CCDC178: variants seen among roughly 807,000 people sequenced by gnomAD.
CCDC178 encodes coiled-coil domain containing 178, also known as coiled-coil domain-containing protein 178.
A neutral mutation model predicts 117.4 loss-of-function variants in CCDC178; 126 were observed. The ratio of observed to expected loss-of-function variants is 1.07; its 90% confidence interval spans 0.93 to 1.24. The LOEUF is 1.24. CCDC178 is among the 50% of genes most tolerant of loss of function. The pLI, the probability that CCDC178 is intolerant of heterozygous loss-of-function variation, is 0.00. For missense variants in CCDC178, 1,030 were observed against 986.9 expected, an observed-to-expected ratio of 1.04 and a Z score of -0.59; for synonymous variants, 283 against 313.4, an observed-to-expected ratio of 0.90 and a Z score of 1.02.
At chr18:33,338,194 A>C (rs375035743) in intron 9 of CCDC178, among the ~76,000 whole-genome samples, 25 of 152,316 alleles carry the variant, frequency 1.6e-4, no homozygotes, top group Middle Eastern at 6.8e-3. Context: ...AATCAAAACC[A>C]CAATGTGATA....
At chr18:33,146,920 T>G (rs1056349339) in intron 20 of CCDC178, among the ~76,000 whole-genome samples, 1 of 152,174 alleles carries the variant, frequency 6.6e-6, no homozygotes, top group African/African-American at 2.4e-5. Context: ...TAAAGTTACA[T>G]GATTATTTCA....
At chr18:33,063,932 A>G (rs889517255) in intron 21 of CCDC178, among the ~76,000 whole-genome samples, 1 of 152,200 alleles carries the variant, frequency 6.6e-6, no homozygotes, top group Non-Finnish European at 1.5e-5. Context: ...TGCTGATTAC[A>G]GCCAAATAAA....
At chr18:33,241,432 G>GTGTGTA (rs1245777642) in intron 15 of CCDC178, among the ~76,000 whole-genome samples, 1 of 1,810 alleles carries the variant, frequency 5.5e-4, no homozygotes, top group African/African-American at 8.7e-4. Context: ...ATATGATCGT[G>GTGTGTA]TGTGTGTGTG....
At chr18:32,993,137 G>A (rs1196261544) in intron 21 of CCDC178, among the ~76,000 whole-genome samples, 3 of 152,126 alleles carry the variant, frequency 2.0e-5, no homozygotes, top group Non-Finnish European at 2.9e-5. Flanking sequence ...CTGCACTCCA[G>A]CCTGGGCAAC....
intron 18 of CCDC178, among the ~76,000 whole-genome samples, chr18:33,216,594 T>C (rs528137411): frequency 1.3e-5 from 2 of 152,090 alleles, no homozygotes; most frequent in Admixed American, 6.6e-5. Flanking sequence ...TTTCCCCATA[T>C]GCTTCCAAAT....
intron 20 of CCDC178, among the ~76,000 whole-genome samples, chr18:33,163,847 A>G (rs2058495246): frequency 6.6e-6 from 1 of 152,186 alleles, no homozygotes; most frequent in Non-Finnish European, 1.5e-5. Context: ...CTGTGCAGCA[A>G]TAATTTTTCC....
At chr18:33,364,233 CAA>C (rs1013064414) in intron 6 of CCDC178, among the ~76,000 whole-genome samples, 3 of 151,922 alleles carry the variant, frequency 2.0e-5, no homozygotes, top group African/African-American at 7.3e-5. Flanking sequence ...GTTCTAGCCA[CAA>C]AGTGTTGGAG....
rs560173393 is a variant in CCDC178, at chr18:33,180,698, C to T, written c.2238+31198G>A. Among the ~76,000 whole-genome samples, 6 of 152,064 alleles carry T rather than the reference C, an allele frequency of 3.9e-5. No homozygotes were observed. In the South Asian group the frequency reaches 1.2e-3, roughly 31 times the overall value. On this transcript the variant is annotated intron_variant, in intron 20 of 22. Transcript: ENST00000383096. ...TTAGCAACAAACCTAAGAACATATG[C>T]CATCACAAAACAGTTGGTATATGCA... is the stretch of plus-strand genomic sequence containing the variant.
chr18:32,962,288 A>G (rs1202330641), intron 22 of CCDC178, among the ~76,000 whole-genome samples: 5 of 152,060 alleles, frequency 3.3e-5, no homozygotes, highest in African/African-American at 1.2e-4. Flanking sequence ...TGTCTTTTTA[A>G]TAAATGAAGA....
intron 22 of CCDC178, among the ~76,000 whole-genome samples, chr18:32,960,818 C>T (rs574407597): frequency 3.2e-4 from 49 of 152,156 alleles, no homozygotes; most frequent in African/African-American, 1.1e-3. Context: ...AAGATATTTC[C>T]TAATTTTTCT....
At chr18:33,067,373 T>C (rs1414088860) in intron 21 of CCDC178, among the ~76,000 whole-genome samples, 2 of 152,112 alleles carry the variant, frequency 1.3e-5, no homozygotes, top group African/African-American at 4.8e-5. Context: ...GAGGGAAGTT[T>C]AAACCAATAA....
At position 33,400,403 on chromosome 18, in the gene CCDC178, C is replaced by T. The variant is rs531254193; in HGVS notation, c.59-3195G>A. Among the ~76,000 whole-genome samples, 3 of 152,258 alleles carry T rather than the reference C, an allele frequency of 2.0e-5. No individual in the cohort carries two copies. In the South Asian group the frequency reaches 6.2e-4, roughly 32 times the overall value. ...TGAAAGTTCTTCTAAGGCTGTTTTG[C>T]CTACATTGAAAATCTGTTGTTTAGC... is the stretch of plus-strand genomic sequence containing the variant. On this transcript the variant is annotated intron_variant, in intron 3 of 22. Transcript: ENST00000383096.
intron 11 of CCDC178, among the ~76,000 whole-genome samples, chr18:33,300,360 A>G (rs983730684): frequency 2.0e-5 from 3 of 152,230 alleles, no homozygotes; most frequent in African/African-American, 7.2e-5. Flanking sequence ...CTTAATAAAT[A>G]AAATTGGTAC....
At chr18:33,394,943 GTATATATA>G (rs61298209) in intron 4 of CCDC178, among the ~76,000 whole-genome samples, 1,704 of 61,490 alleles carry the variant, frequency 0.028, 32 homozygotes, top group African/African-American at 0.057. Flanking sequence ...ATATGTATGT[GTATATATA>G]TATATATATA....
intron 20 of CCDC178, among the ~76,000 whole-genome samples, chr18:33,199,984 G>A (rs567089594): frequency 6.6e-6 from 1 of 151,966 alleles, no homozygotes; most frequent in Non-Finnish European, 1.5e-5. Context: ...ATATATATTT[G>A]GACAATTCCT....
intron 20 of CCDC178, among the ~76,000 whole-genome samples, chr18:33,158,470 C>T (rs1163383243): frequency 6.6e-6 from 1 of 151,752 alleles, no homozygotes; most frequent in African/African-American, 2.4e-5. Context: ...TAAAATGCAT[C>T]GTAATTTTGC....
At chr18:32,983,472 C>T in intron 21 of CCDC178, 1 of 578,600 alleles carries the variant, frequency 1.7e-6, no homozygotes, top group Non-Finnish European at 3.0e-6. Context: ...GATTTATTCA[C>T]ATTTGACAAA....
intron 15 of CCDC178, among the ~76,000 whole-genome samples, chr18:33,237,321 C>T (rs899802949): frequency 1.3e-5 from 2 of 152,110 alleles, no homozygotes; most frequent in Non-Finnish European, 2.9e-5. Context: ...CTGAGTCCCA[C>T]CCAGGGCAAA....
chr18:33,083,548 T>C (rs1236795693), intron 21 of CCDC178, among the ~76,000 whole-genome samples: 1 of 152,222 alleles, frequency 6.6e-6, no homozygotes. Flanking sequence ...TTTCCTTTTT[T>C]GTTTTTTACT....
Sources: gnomAD v4.1 joint callset for allele counts (sites outside exome capture counted in the v4.1 genomes callset) on GRCh38, gnomAD v4.1.1 for gene constraint, MANE v1.5 for transcripts, NCBI Gene and HGNC (gene_info 2026-07-23, HGNC 2026-07-21) for gene names.